The following KLHL14 variants were observed in gnomAD, a reference collection of about 807,000 sequenced individuals.
KLHL14 encodes kelch-like protein 14.
Under a neutral mutation model 64.3 loss-of-function variants are expected in KLHL14, and 22 were observed. The observed-to-expected ratio is 0.34, with a 90% CI of 0.24 to 0.49. KLHL14 has a LOEUF of 0.49. KLHL14 is among the 20% of genes least tolerant of loss of function. KLHL14 has a pLI of 0.99. For missense variants in KLHL14, 661 were observed against 789.0 expected (o/e 0.84, Z 1.94); for synonymous variants, 322 against 333.4 (o/e 0.97, Z 0.37).
At chr18:32,754,215 G>C (rs534804479) in intron 2 of KLHL14, among the ~76,000 whole-genome samples, 1 of 152,166 alleles carries the variant, frequency 6.6e-6, no homozygotes, top group Non-Finnish European at 1.5e-5. Flanking sequence ...TGATGGACTC[G>C]TAAGTAATGC....
intron 4 of KLHL14, among the ~76,000 whole-genome samples, chr18:32,694,954 T>A (rs1253630499): frequency 6.6e-6 from 1 of 152,234 alleles, no homozygotes; most frequent in Non-Finnish European, 1.5e-5. Flanking sequence ...GTGGATAATC[T>A]ATGGAAGAAG....
chr18:32,717,801 A>G (rs573962251), intron 3 of KLHL14, among the ~76,000 whole-genome samples: 1 of 152,304 alleles, frequency 6.6e-6, no homozygotes, highest in Admixed American at 6.5e-5. Context: ...TTGAACACCT[A>G]TCATGTGCCA....
At chr18:32,746,553 T>G (rs1226703067) in intron 2 of KLHL14, among the ~76,000 whole-genome samples, 1 of 152,198 alleles carries the variant, frequency 6.6e-6, no homozygotes, top group Non-Finnish European at 1.5e-5. Flanking sequence ...CTTCAATAAT[T>G]GGGAAACAGG....
At chr18:32,693,180 A>G (rs1004349725) in intron 4 of KLHL14, among the ~76,000 whole-genome samples, 1 of 152,118 alleles carries the variant, frequency 6.6e-6, no homozygotes. Flanking sequence ...GCTTTGGCCA[A>G]TAACTGACAT....
In KLHL14 at chr18:32,769,762, C is replaced by G; in HGVS notation, c.830G>C (p.Arg277Pro). The G allele has an allele frequency of 6.2e-7, 1 of 1,608,286 alleles. No individual in the cohort carries two copies. Among genetic ancestry groups the G allele is most frequent in the Non-Finnish European group, 8.5e-7 (1 of 1,176,420 alleles). The part of the protein sequence containing the change: ...ALIPAPELVE[R>P]VQSVDFMRTD... ...TCGCATGAAATCCACTGACTGGACC[C>G]GCTCCACCAGCTCCGGGGCCGGGAT... The change falls in exon 2 of 9, where the codon CGG becomes CCG. Residue 277 changes from arginine (R) to proline (P), a missense_variant. Physicochemically the swap from Arg to Pro is moderately radical, Grantham distance 103. Around this residue, in one of 2 missense-constraint regions of KLHL14, gnomAD observed 330 missense variants for 450.0 expected, o/e 0.73. Transcript: ENST00000359358.
At chr18:32,682,613 C>T (rs2049847381) in intron 5 of KLHL14, among the ~76,000 whole-genome samples, 1 of 152,080 alleles carries the variant, frequency 6.6e-6, no homozygotes, top group African/African-American at 2.4e-5. Flanking sequence ...ACTAAAAACT[C>T]ATCTAAATAT....
At chr18:32,713,281 T>G (rs1219006469) in intron 3 of KLHL14, among the ~76,000 whole-genome samples, 1 of 152,162 alleles carries the variant, frequency 6.6e-6, no homozygotes, top group Non-Finnish European at 1.5e-5. Context: ...TATAGGCTCT[T>G]CAACTTACCA....
intron 3 of KLHL14, among the ~76,000 whole-genome samples, chr18:32,700,199 G>A (rs1324859083): frequency 6.6e-6 from 1 of 152,146 alleles, no homozygotes; most frequent in African/African-American, 2.4e-5. Context: ...GCAAAGGGCT[G>A]TGCCAAGAAT....
chr18:32,714,289 T>C (rs915853400), intron 3 of KLHL14, among the ~76,000 whole-genome samples: 4 of 152,178 alleles, frequency 2.6e-5, no homozygotes, highest in African/African-American at 9.6e-5. Context: ...TGGCTCTCTA[T>C]GAGTTTATAG....
intron 2 of KLHL14, among the ~76,000 whole-genome samples, chr18:32,768,525 C>G (rs765563373): frequency 2.0e-5 from 3 of 151,972 alleles, no homozygotes; most frequent in Non-Finnish European, 2.9e-5. Flanking sequence ...AAACCATGTA[C>G]TTTGCTACAC....
chr18:32,702,090 G>C (rs1435002155), intron 3 of KLHL14, among the ~76,000 whole-genome samples: 1 of 152,096 alleles, frequency 6.6e-6, no homozygotes, highest in East Asian at 1.9e-4. Context: ...TGTTGGGTTT[G>C]AGTTTTTGAT....
chr18:32,758,485 A>G (rs2050295147), intron 2 of KLHL14, among the ~76,000 whole-genome samples: 1 of 152,222 alleles, frequency 6.6e-6, no homozygotes, highest in African/African-American at 2.4e-5. Context: ...TGAATGTAAA[A>G]TGGTGCAGCT....
chr18:32,761,363 C>G (rs1009240987), intron 2 of KLHL14, among the ~76,000 whole-genome samples: 1 of 150,290 alleles, frequency 6.7e-6, no homozygotes, highest in Non-Finnish European at 1.5e-5. Context: ...ATTTGGACAA[C>G]CCCTCTTGCC....
At chr18:32,733,389 G>GGAGA (rs34935950) in intron 3 of KLHL14, among the ~76,000 whole-genome samples, 30,481 of 147,344 alleles carry the variant, frequency 0.21, 3,129 homozygotes, top group Middle Eastern at 0.3. Context: ...GAGAGAGAAA[G>GGAGA]GAGAGAGAGA....
chr18:32,710,365 GT>G (rs1199740045), intron 3 of KLHL14, among the ~76,000 whole-genome samples: 3 of 152,186 alleles, frequency 2.0e-5, no homozygotes, highest in African/African-American at 7.2e-5. Context: ...GCAAGAATGT[GT>G]GGTTTCCAGA....
chr18:32,739,973 T>C (rs145739668), intron 3 of KLHL14, among the ~76,000 whole-genome samples: 213 of 152,318 alleles, frequency 1.4e-3, no homozygotes, highest in African/African-American at 4.9e-3. Context: ...TTCTATGTGC[T>C]AGATGATTTA....
chr18:32,740,512 C>G lies in KLHL14; in HGVS notation c.1069+1416G>C, dbSNP rs577309229. Among the ~76,000 whole-genome samples the G allele has an allele frequency of 3.8e-4, 58 of 152,244 alleles. 1 individual carries two copies. In the South Asian group the frequency reaches 0.012, roughly 32 times the overall value. On this transcript the variant is annotated intron_variant, in intron 3 of 8. Coordinates refer to ENST00000359358, the MANE Select transcript of KLHL14 (RefSeq NM_020805.3). The stretch of plus-strand genomic sequence containing the variant: ...GAGAATCTTTTGTCCTTCCTCTTTT[C>G]TCTCTCCTCCTCCTAGTCTCCATGT...
chr18:32,751,412 T>G (rs1403414943), intron 2 of KLHL14, among the ~76,000 whole-genome samples: 1 of 152,210 alleles, frequency 6.6e-6, no homozygotes, highest in Non-Finnish European at 1.5e-5. Context: ...CAAAGTATCA[T>G]TATCCCCATT....
chr18:32,713,571 T>C (rs1452411573), intron 3 of KLHL14, among the ~76,000 whole-genome samples: 2 of 152,196 alleles, frequency 1.3e-5, no homozygotes, highest in South Asian at 2.1e-4. Context: ...CTGGGCAACA[T>C]AGGGAGACCC....
Sources: gnomAD v4.1 joint callset for allele counts (sites outside exome capture counted in the v4.1 genomes callset) on GRCh38, gnomAD v4.1.1 for gene constraint, gnomAD v4.1.1 regional missense constraint, MANE v1.5 for transcripts, NCBI Gene and HGNC (gene_info 2026-07-23, HGNC 2026-07-21) for gene names.